CSMD1: variants seen among roughly 807,000 people sequenced by gnomAD.
The protein encoded by CSMD1 is CUB and Sushi multiple domains 1.
In CSMD1, 213 loss-of-function variants were observed where a neutral mutation model predicts 417.5. That is an observed-to-expected ratio of 0.51 (90% confidence interval 0.46 to 0.57). The LOEUF (loss-of-function observed/expected upper bound fraction) is 0.57. Ranked by LOEUF, CSMD1 falls within the 20% of genes least tolerant of loss-of-function variation. The pLI, the probability that CSMD1 is intolerant of heterozygous loss-of-function variation, is 0.00. For missense variants in CSMD1, 6,923 were observed against 4,529.7 expected (o/e 1.53, Z -15.17); for synonymous variants, 2,862 against 1,736.8 (o/e 1.65, Z -16.11).
chr8:4,061,803 T>G (rs1465864701), intron 3 of CSMD1, among the ~76,000 whole-genome samples: 1 of 152,214 alleles, frequency 6.6e-6, no homozygotes, highest in East Asian at 1.9e-4. Flanking sequence ...AGTTGATTAT[T>G]TATTTTAAAT....
intron 10 of CSMD1, among the ~76,000 whole-genome samples, chr8:3,557,270 T>C (rs1278263233): frequency 6.6e-6 from 1 of 152,228 alleles, no homozygotes. Context: ...GTGGGATTCG[T>C]GGCTTGGAGA....
intron 10 of CSMD1, among the ~76,000 whole-genome samples, chr8:3,555,370 T>C (rs931632703): frequency 2.0e-5 from 3 of 152,102 alleles, no homozygotes; most frequent in Non-Finnish European, 2.9e-5. Context: ...TCATTGATGA[T>C]GACAGTCTGA....
At chr8:4,452,821 T>A (rs569969440) in intron 2 of CSMD1, among the ~76,000 whole-genome samples, 1 of 152,070 alleles carries the variant, frequency 6.6e-6, no homozygotes, top group African/African-American at 2.4e-5. Context: ...CAGTCCTCAA[T>A]ATCAGGTGAA....
chr8:4,194,627 C>T (rs920922497), intron 3 of CSMD1, among the ~76,000 whole-genome samples: 1 of 152,108 alleles, frequency 6.6e-6, no homozygotes, highest in Non-Finnish European at 1.5e-5. Flanking sequence ...AATCATACAT[C>T]TCCCACATTT....
chr8:4,655,463 G>A (rs1804170019), intron 1 of CSMD1, among the ~76,000 whole-genome samples: 1 of 151,962 alleles, frequency 6.6e-6, no homozygotes. Flanking sequence ...CATGGATTCT[G>A]GCTTATTTTT....
chr8:4,845,786 A>G (rs1452732130), intron 1 of CSMD1, among the ~76,000 whole-genome samples: 1 of 152,196 alleles, frequency 6.6e-6, no homozygotes, highest in African/African-American at 2.4e-5. Flanking sequence ...TAGTATCACA[A>G]GGGCGGATTT....
At chr8:4,857,963 A>G (rs1425996199) in intron 1 of CSMD1, among the ~76,000 whole-genome samples, 1 of 152,120 alleles carries the variant, frequency 6.6e-6, no homozygotes, top group Admixed American at 6.5e-5. Context: ...CACAACCAAA[A>G]AAGAGAATTT....
At chr8:3,243,842 TTTG>T (rs1799707527) in intron 26 of CSMD1, among the ~76,000 whole-genome samples, 1 of 152,012 alleles carries the variant, frequency 6.6e-6, no homozygotes, top group African/African-American at 2.4e-5. Context: ...TATGCAAAGT[TTTG>T]TTATTTTCCT....
rs577945592 is a variant in CSMD1, at chr8:3,007,437, C to T, written c.8030-7306G>A. On this transcript the variant is annotated intron_variant, in intron 52 of 69. Coordinates refer to ENST00000635120, the MANE Select transcript of CSMD1 (RefSeq NM_033225.6). ...CATTACTGGGTATATACCCAAAGGA[C>T]TATAAATCATGCTGCTATAAAGACA... Among the ~76,000 whole-genome samples the T allele has an allele frequency of 2.3e-3, 344 of 149,894 alleles. 8 individuals carry two copies. The East Asian group carries it at 0.059, about 26-fold the overall frequency.
chr8:3,873,203 C>CTTG (rs1805598235), intron 5 of CSMD1, among the ~76,000 whole-genome samples: 1 of 152,078 alleles, frequency 6.6e-6, no homozygotes, highest in South Asian at 2.1e-4. Context: ...CCTTTACTGG[C>CTTG]TATGTAGCCA....
intron 2 of CSMD1, among the ~76,000 whole-genome samples, chr8:4,476,187 T>C (rs1323681016): frequency 6.6e-6 from 1 of 152,130 alleles, no homozygotes; most frequent in African/African-American, 2.4e-5. Flanking sequence ...TTCACCAGCA[T>C]AACTGATAAT....
chr8:4,245,489 T>G (rs1235732667), intron 3 of CSMD1, among the ~76,000 whole-genome samples: 1 of 152,106 alleles, frequency 6.6e-6, no homozygotes, highest in Non-Finnish European at 1.5e-5. Context: ...AAACTCTTCA[T>G]GAAGAGCCTA....
Position 3,894,077 on chromosome 8 carries a change from C to T in CSMD1, c.818+103826G>A, listed in dbSNP as rs537173289. On this transcript the variant is annotated intron_variant, in intron 5 of 69. Coordinates refer to ENST00000635120, the MANE Select transcript of CSMD1 (RefSeq NM_033225.6). ...TGCCACATCCTCACAAGCAGCAAGC[C>T]GTTAATTGTCTCTTTCACGGTGTTC... Among the ~76,000 whole-genome samples, 45 of 152,272 alleles carry T rather than the reference C, an allele frequency of 3.0e-4. No homozygotes were observed. In the South Asian group the frequency reaches 3.9e-3, roughly 13 times the overall value.
chr8:4,864,916 G>C (rs1015237028), intron 1 of CSMD1, among the ~76,000 whole-genome samples: 2 of 134,170 alleles, frequency 1.5e-5, no homozygotes, highest in Admixed American at 7.6e-5. Context: ...ACACACACTT[G>C]ATATAACTGT....
At chr8:4,764,190 G>A (rs563028411) in intron 1 of CSMD1, among the ~76,000 whole-genome samples, 3 of 152,272 alleles carry the variant, frequency 2.0e-5, no homozygotes, top group African/African-American at 7.2e-5. Flanking sequence ...TCATGAGAGT[G>A]ACCATGTGTT....
chr8:3,798,808 T>C (rs567867023), intron 5 of CSMD1, among the ~76,000 whole-genome samples: 162 of 152,172 alleles, frequency 1.1e-3, no homozygotes, highest in South Asian at 9.9e-3. Context: ...TGTTTATAAA[T>C]TCGTGTTGGT....
At chr8:3,181,029 A>G (rs1821288123) in intron 37 of CSMD1, 81 bp downstream of exon 37, 2 of 840,944 alleles carry the variant, frequency 2.4e-6, no homozygotes, top group East Asian at 2.7e-5. Flanking sequence ...TCACTGTTTA[A>G]TAAGAGCATG....
intron 5 of CSMD1, among the ~76,000 whole-genome samples, chr8:3,976,389 A>C (rs1045892552): frequency 2.0e-5 from 3 of 152,192 alleles, no homozygotes; most frequent in Non-Finnish European, 2.9e-5. Context: ...AACTTTCTTC[A>C]AGTTGCTGCT....
chr8:3,298,350 C>T (rs781502523), intron 25 of CSMD1, among the ~76,000 whole-genome samples: 20 of 152,322 alleles, frequency 1.3e-4, no homozygotes, highest in Non-Finnish European at 2.6e-4. Flanking sequence ...TGTCCATCAG[C>T]ACCCAGAATG....
Sources: allele counts gnomAD v4.1 joint callset (sites outside exome capture counted in the v4.1 genomes callset), GRCh38; gene constraint gnomAD v4.1.1; transcripts MANE v1.5; gene names NCBI Gene and HGNC (gene_info 2026-07-23, HGNC 2026-07-21).